EPHA6: variants seen among roughly 807,000 people sequenced by gnomAD.
The protein encoded by EPHA6 is EPH receptor A6, also known as ephrin type-A receptor 6.
EPHA6 carries 50 observed loss-of-function variants against 112.0 expected under a neutral mutation model. That is an observed-to-expected ratio of 0.45 (90% confidence interval 0.36 to 0.56). The LOEUF is 0.56. Ranked by LOEUF, EPHA6 falls within the 20% of genes least tolerant of loss-of-function variation. The probability of loss-of-function intolerance (pLI) is 0.00; values close to 1 mark genes in which losing one functional copy is unlikely to be tolerated. For synonymous variants in EPHA6, 529 were observed against 490.7 expected (o/e 1.08, Z -1.03); for missense variants, 1,280 against 1,417.4 (o/e 0.90, Z 1.56).
rs146505637 is a variant in EPHA6 at position 96,873,691 on chromosome 3, C to T, written c.450+6802C>T. On this transcript the variant is annotated intron_variant, in intron 2 of 17. Coordinates refer to ENST00000389672, the MANE Select transcript of EPHA6 (RefSeq NM_001080448.3). ...ATTGTTGCTATTTTTCCTTACAAAT[C>T]GGTAAAGGAAGATTTCAGAGCTTTC... 3.5e-3 allele frequency among the ~76,000 whole-genome samples: 536 copies of T among 152,074 alleles called. 4 individuals are homozygous for T. The highest frequency in any genetic ancestry group is 0.017 in the Middle Eastern group (5 of 294).
rs186244287 is a variant in EPHA6 at position 97,315,353 on chromosome 3, C to T, written c.1606+71066C>T. Among the ~76,000 whole-genome samples the T allele has an allele frequency of 1.3e-4, 19 of 151,688 alleles. 1 individual carries two copies. In the South Asian group the frequency reaches 3.5e-3, roughly 28 times the overall value. On this transcript the variant is annotated intron_variant, in intron 5 of 17. Transcript: ENST00000389672. ...ATATGCCTGTTGAATTTAATTGTTT[C>T]GCATAAAGTCGTGGCATAACAACAT...
intron 12 of EPHA6, among the ~76,000 whole-genome samples, chr3:97,593,670 T>C (rs2093564159): frequency 6.6e-6 from 1 of 152,242 alleles, no homozygotes; most frequent in Non-Finnish European, 1.5e-5. Flanking sequence ...TGTACATTTC[T>C]TGTCCTTGTT....
chr3:97,485,935 C>T (rs2091689087), intron 10 of EPHA6, among the ~76,000 whole-genome samples: 3 of 152,172 alleles, frequency 2.0e-5, no homozygotes, highest in Admixed American at 2.0e-4. Flanking sequence ...TAACAAAATG[C>T]CAGTGTCTGA....
intron 10 of EPHA6, among the ~76,000 whole-genome samples, chr3:97,517,957 G>A (rs2092473671): frequency 6.6e-6 from 1 of 152,134 alleles, no homozygotes; most frequent in African/African-American, 2.4e-5. Flanking sequence ...ACTCCAATGT[G>A]TGTATATACA....
At chr3:97,151,501 T>G (rs28690212) in intron 3 of EPHA6, among the ~76,000 whole-genome samples, 48,359 of 151,950 alleles carry the variant, frequency 0.32, 13,706 homozygotes, top group African/African-American at 0.75. Flanking sequence ...TCAACCAAAT[T>G]CAATTGATAG....
intron 1 of EPHA6, among the ~76,000 whole-genome samples, chr3:96,860,741 A>G (rs2035961453): frequency 6.6e-6 from 1 of 152,088 alleles, no homozygotes; most frequent in Non-Finnish European, 1.5e-5. Context: ...AGACTAGAAA[A>G]TCTAAGACTA....
intron 11 of EPHA6, among the ~76,000 whole-genome samples, chr3:97,549,789 C>T (rs548020122): frequency 2.2e-4 from 34 of 151,412 alleles, no homozygotes; most frequent in Middle Eastern, 3.4e-3. Context: ...CCAGCCTGGG[C>T]GACAAGGCGA....
intron 3 of EPHA6, among the ~76,000 whole-genome samples, chr3:97,186,526 C>T (rs1384315641): frequency 1.3e-5 from 2 of 152,052 alleles, no homozygotes; most frequent in East Asian, 1.9e-4. Flanking sequence ...AATATCTTTT[C>T]GCTGAACACT....
At chr3:97,331,720 C>T (rs1178072941) in intron 5 of EPHA6, among the ~76,000 whole-genome samples, 1 of 152,200 alleles carries the variant, frequency 6.6e-6, no homozygotes, top group East Asian at 1.9e-4. Context: ...CTGAATAGAC[C>T]AATAACAGGA....
chr3:97,287,538 C>T (rs2080516460), intron 5 of EPHA6, among the ~76,000 whole-genome samples: 1 of 151,712 alleles, frequency 6.6e-6, no homozygotes, highest in Admixed American at 6.6e-5. Flanking sequence ...TAATAATGGC[C>T]TTTGGGCCTA....
At position 97,718,870 on chromosome 3, in the gene EPHA6, A is replaced by T. The variant is rs928574915; in HGVS notation, c.2785-1391A>T. 2.6e-5 allele frequency among the ~76,000 whole-genome samples: 4 copies of T among 152,108 alleles called. No homozygotes were observed. In the East Asian group the frequency reaches 7.7e-4, roughly 29 times the overall value. On this transcript the variant is annotated intron_variant, in intron 14 of 17. Coordinates refer to ENST00000389672, the MANE Select transcript of EPHA6 (RefSeq NM_001080448.3). ...CATTAATATACATAAGGTACTCAAT[A>T]ATATGGTGAGAAATTTCTAAACCTT... is the stretch of plus-strand genomic sequence containing the variant.
intron 6 of EPHA6, among the ~76,000 whole-genome samples, chr3:97,444,820 A>G (rs1326231130): frequency 2.6e-5 from 4 of 152,164 alleles, no homozygotes. Flanking sequence ...AAGAGGGTCC[A>G]TTTTAGTTAC....
chr3:97,646,052 C>A, intron 14 of EPHA6: 1 of 1,202,872 alleles, frequency 8.3e-7, no homozygotes, highest in Non-Finnish European at 1.1e-6. Context: ...TACATGGAAG[C>A]TATCCTTTTC....
intron 14 of EPHA6, among the ~76,000 whole-genome samples, chr3:97,693,651 C>A (rs1240980321): frequency 6.6e-6 from 1 of 151,692 alleles, no homozygotes; most frequent in African/African-American, 2.4e-5. Context: ...ACTAAAAATA[C>A]AAAAAAATTA....
intron 4 of EPHA6, among the ~76,000 whole-genome samples, chr3:97,229,750 A>G (rs2078468365): frequency 6.6e-6 from 1 of 152,128 alleles, no homozygotes; most frequent in African/African-American, 2.4e-5. Context: ...ATTTTTATGG[A>G]ACACATTTAA....
At chr3:97,131,888 G>A (rs573830516) in intron 3 of EPHA6, among the ~76,000 whole-genome samples, 7 of 152,182 alleles carry the variant, frequency 4.6e-5, no homozygotes, top group Admixed American at 1.3e-4. Flanking sequence ...AACCTTATAC[G>A]GTTTCAATCA....
At chr3:97,657,336 C>A (rs539285292) in intron 14 of EPHA6, among the ~76,000 whole-genome samples, 8 of 151,592 alleles carry the variant, frequency 5.3e-5, no homozygotes, top group Admixed American at 4.0e-4. Flanking sequence ...AAGTTGTTTT[C>A]TTATATAAAG....
intron 3 of EPHA6, among the ~76,000 whole-genome samples, chr3:97,033,764 C>G (rs868471017): frequency 1.3e-5 from 2 of 151,770 alleles, no homozygotes; most frequent in Middle Eastern, 3.4e-3. Flanking sequence ...TCAAGTAGAC[C>G]ATGTATTTGA....
intron 1 of EPHA6, 25 bp downstream of exon 1, chr3:96,815,033 G>A: frequency 6.7e-7 from 1 of 1,481,800 alleles, no homozygotes; most frequent in East Asian, 2.5e-5. Context: ...GGAGGAGCGG[G>A]AGTGGGTGGG....
Sources: gnomAD v4.1 joint callset for allele counts (sites outside exome capture counted in the v4.1 genomes callset) on GRCh38, gnomAD v4.1.1 for gene constraint, MANE v1.5 for transcripts, NCBI Gene and HGNC (gene_info 2026-07-23, HGNC 2026-07-21) for gene names.